TLL2: variants seen among roughly 807,000 people sequenced by gnomAD.
The protein encoded by TLL2 is tolloid-like protein 2.
A neutral mutation model predicts 123.0 loss-of-function variants in TLL2; 106 were observed. The ratio of observed to expected loss-of-function variants is 0.86; its 90% CI spans 0.74 to 1.01. TLL2 has a LOEUF of 1.01. Ranked by LOEUF, TLL2 falls within the 50% of genes least tolerant of loss-of-function variation. The pLI is 0.00. For missense variants in TLL2, 1,332 were observed against 1,336.7 expected (o/e 1.00, Z 0.06); for synonymous variants, 494 against 516.8 (o/e 0.96, Z 0.60).
chr10:96,421,418 C>T (rs529228915), intron 6 of TLL2, among the ~76,000 whole-genome samples: 71 of 152,362 alleles, frequency 4.7e-4, no homozygotes, highest in African/African-American at 1.5e-3. Flanking sequence ...AATTCCAGCA[C>T]TTTGGGAGGC....
chr10:96,485,864 G>A (rs1435685081), intron 1 of TLL2, among the ~76,000 whole-genome samples: 1 of 152,150 alleles, frequency 6.6e-6, no homozygotes, highest in Non-Finnish European at 1.5e-5. Context: ...GACAGTCCAC[G>A]GTGCAGCGCC....
At chr10:96,382,265 G>A (rs1481451600) in intron 16 of TLL2, among the ~76,000 whole-genome samples, 2 of 152,172 alleles carry the variant, frequency 1.3e-5, no homozygotes, top group South Asian at 2.1e-4. Flanking sequence ...TCTTGACCTC[G>A]TGATCCACCC....
chr10:96,451,224 G>A (rs901379589), intron 2 of TLL2, among the ~76,000 whole-genome samples: 2 of 152,166 alleles, frequency 1.3e-5, no homozygotes, highest in Admixed American at 1.3e-4. Context: ...CACCTCCCAA[G>A]TTCAATTAAG....
Position 96,437,217 on chromosome 10 carries a change from T to A in TLL2, c.365-4255A>T, listed in dbSNP as rs140998441. Among the ~76,000 whole-genome samples, 20 of 152,318 alleles carry A rather than the reference T, an allele frequency of 1.3e-4. 1 individual carries two copies. In the East Asian group the frequency reaches 3.7e-3, roughly 28 times the overall value. ...TAAAGTAGCTTTTTATAAATTGAAA[T>A]TTTTATTTAGATAATTGTAGATTCA... is the stretch of plus-strand genomic sequence containing the variant. On this transcript the variant is annotated intron_variant, in intron 3 of 20. Transcript: ENST00000357947.
chr10:96,473,464 C>T (rs939785997), intron 2 of TLL2, among the ~76,000 whole-genome samples: 2 of 152,050 alleles, frequency 1.3e-5, no homozygotes, highest in African/African-American at 4.8e-5. Flanking sequence ...AAAAAGAAAG[C>T]GTCCCCATGA....
chr10:96,387,430 T>C (rs1341408238), intron 13 of TLL2, among the ~76,000 whole-genome samples: 1 of 152,192 alleles, frequency 6.6e-6, no homozygotes, highest in African/African-American at 2.4e-5. Context: ...TTTAAAACCA[T>C]GGAATTGAGG....
chr10:96,387,111 T>G, intron 13 of TLL2, 33 bp from the exon 14 acceptor site: 1 of 1,603,756 alleles, frequency 6.2e-7, no homozygotes. Context: ...CCGGTTACAT[T>G]GTCAGGAAGC....
At chr10:96,481,173 G>T (rs1196357381) in intron 1 of TLL2, among the ~76,000 whole-genome samples, 1 of 151,260 alleles carries the variant, frequency 6.6e-6, no homozygotes, top group Non-Finnish European at 1.5e-5. Flanking sequence ...GAGAGACAGA[G>T]TCTTGCTCTG....
At chr10:96,416,536 A>G (rs1251275187) in intron 7 of TLL2, among the ~76,000 whole-genome samples, 1 of 152,218 alleles carries the variant, frequency 6.6e-6, no homozygotes, top group Non-Finnish European at 1.5e-5. Context: ...ATGGAGAGGC[A>G]GGCCAGGAGC....
At chr10:96,412,577 G>A (rs890068499) in intron 8 of TLL2, among the ~76,000 whole-genome samples, 8 of 152,106 alleles carry the variant, frequency 5.3e-5, no homozygotes, top group Admixed American at 3.9e-4. Context: ...ACTTCCAAAC[G>A]GGCCAGGGAA....
chr10:96,500,542 C>G (rs574116049), intron 1 of TLL2, among the ~76,000 whole-genome samples: 62 of 152,232 alleles, frequency 4.1e-4, no homozygotes, highest in South Asian at 2.3e-3. Flanking sequence ...GCCTGTAATC[C>G]CAGCACATTG....
rs61741039 is a variant in TLL2 at position 96,373,726 on chromosome 10, G to A, written c.2532C>T (p.Ala844=). 0.14 allele frequency: 233,750 copies of A among 1,614,124 alleles called. 17,904 individuals carry two copies. Among genetic ancestry groups the A allele is most frequent in the South Asian group, 0.23 (20,733 of 91,078 alleles). ...LEMYDGPDSL[A]PILGRFCGSK... ...TGCCGCAGAAACGGCCCAGAATGGG[G>A]GCCAGGCTGTCCGGCCCGTCATACA... The change falls in exon 19 of 21, where the codon GCC becomes GCT. Residue 844 remains alanine, a synonymous_variant. Transcript: ENST00000357947.
intron 11 of TLL2, 41 bp from the exon 12 acceptor site, chr10:96,396,061 G>A (rs1254667125): frequency 1.9e-6 from 3 of 1,606,820 alleles, no homozygotes; most frequent in African/African-American, 1.3e-5. Context: ...GGGGGCCCTG[G>A]TCAGATCTTA....
At position 96,445,531 on chromosome 10, in the gene TLL2, C is replaced by T. The variant is rs1846890457; in HGVS notation, c.364+560G>A. The stretch of plus-strand genomic sequence containing the variant: ...AGTAGACCATGGAGTCTCTAGTCTA[C>T]ACCTCCCCCACAATCCCCACTCCAG... On this transcript the variant is annotated intron_variant, in intron 3 of 20. Coordinates refer to ENST00000357947, the MANE Select transcript of TLL2 (RefSeq NM_012465.4). Among the ~76,000 whole-genome samples the T allele has an allele frequency of 7.2e-5, 11 of 152,336 alleles. No homozygotes were observed. The South Asian group carries it at 1.2e-3, about 17-fold the overall frequency.
At chr10:96,489,513 A>G (rs1265859525) in intron 1 of TLL2, among the ~76,000 whole-genome samples, 1 of 152,090 alleles carries the variant, frequency 6.6e-6, no homozygotes, top group African/African-American at 2.4e-5. Context: ...TGGGCAACAG[A>G]GCAAAACCTT....
In TLL2 at chr10:96,480,454, A is replaced by G; in HGVS notation, c.181T>C (p.Phe61Leu). 6.2e-7 allele frequency: 1 copy of G among 1,613,812 alleles called. No individual in the cohort carries two copies. Among genetic ancestry groups the G allele is most frequent in the Non-Finnish European group, 8.5e-7 (1 of 1,179,658 alleles). The change falls in exon 2 of 21, where the codon TTT (phenylalanine) becomes CTT (leucine). Residue 61 changes from phenylalanine to leucine, a missense_variant. Phe to Leu is a conservative substitution (Grantham distance 22). Coordinates refer to ENST00000357947, the MANE Select transcript of TLL2 (RefSeq NM_012465.4). ...HYHDPCKAAV[F>L]WGDIALDEDD... ...TCATCTAAGGCAATGTCTCCCCAAAAGACAGCTGGGAAGGAAACACATAAG... is the reference window on the plus strand; with the variant it reads ...TCATCTAAGGCAATGTCTCCCCAAAGGACAGCTGGGAAGGAAACACATAAG...
At position 96,395,349 on chromosome 10, in the gene TLL2, G is replaced by A. The variant is rs746828315; in HGVS notation, c.1564C>T (p.Leu522=). The A allele has an allele frequency of 1.3e-5, 21 of 1,611,078 alleles. No individual in the cohort carries two copies. In the East Asian group the frequency reaches 2.0e-4, roughly 15 times the overall value. The change falls in exon 13 of 21, where the codon CTG becomes TTG. Residue 522 remains leucine, a synonymous_variant. Transcript: ENST00000357947. ...TCCGTGGGGCCATCCCGGACTTCCAGGTAGTCATATGCACAGCTGTCGTGC... is the reference window on the plus strand; with the variant it reads ...TCCGTGGGGCCATCCCGGACTTCCAAGTAGTCATATGCACAGCTGTCGTGC... ...ERHDSCAYDY[L]EVRDGPTEES... is the part of the protein sequence containing the mutation.
At chr10:96,506,024 C>G (rs922739047) in intron 1 of TLL2, among the ~76,000 whole-genome samples, 1 of 151,762 alleles carries the variant, frequency 6.6e-6, no homozygotes, top group African/African-American at 2.4e-5. Flanking sequence ...GAGGCTGAGG[C>G]GGGTGGATCA....
chr10:96,436,129 A>G (rs1846793134), intron 3 of TLL2, among the ~76,000 whole-genome samples: 1 of 152,222 alleles, frequency 6.6e-6, no homozygotes, highest in Non-Finnish European at 1.5e-5. Flanking sequence ...TGTGTCATAT[A>G]TTCTTTGTTA....
Sources: allele counts gnomAD v4.1 joint callset (sites outside exome capture counted in the v4.1 genomes callset), GRCh38; gene constraint gnomAD v4.1.1; transcripts MANE v1.5; gene names NCBI Gene and HGNC (gene_info 2026-07-23, HGNC 2026-07-21).